The following CSPP1 variants were observed in gnomAD, a reference collection of about 807,000 sequenced individuals.
CSPP1 encodes the protein centrosome and spindle pole-associated protein 1.
A neutral mutation model predicts 164.4 loss-of-function variants in CSPP1; 126 were observed. The observed-to-expected ratio is 0.77, with a 90% CI of 0.66 to 0.89. CSPP1 has a LOEUF of 0.89. Among genes scored for constraint, CSPP1 ranks in the 40% least tolerant of loss-of-function variants. The pLI is 0.00. For synonymous variants in CSPP1, 472 were observed against 476.7 expected (o/e 0.99, Z 0.13); for missense variants, 1,395 against 1,449.8 (o/e 0.96, Z 0.61).
At chr8:67,128,133 A>C (rs1170558034) in intron 15 of CSPP1, among the ~76,000 whole-genome samples, 1 of 152,242 alleles carries the variant, frequency 6.6e-6, no homozygotes, top group Non-Finnish European at 1.5e-5. Context: ...AACAAAAGGT[A>C]CCACTTACTA....
intron 17 of CSPP1, among the ~76,000 whole-genome samples, chr8:67,145,164 T>C (rs928180736): frequency 6.6e-6 from 1 of 152,118 alleles, no homozygotes; most frequent in African/African-American, 2.4e-5. Flanking sequence ...TAAAGAGACA[T>C]TCAGTTTATT....
chr8:67,133,373 C>A (rs1191660995), intron 16 of CSPP1, among the ~76,000 whole-genome samples: 2 of 152,094 alleles, frequency 1.3e-5, no homozygotes, highest in African/African-American at 4.8e-5. Flanking sequence ...AGTTCCAGAC[C>A]ACAGCAATAA....
chr8:67,141,807 A>G (rs1201893792), intron 17 of CSPP1, among the ~76,000 whole-genome samples: 1 of 152,216 alleles, frequency 6.6e-6, no homozygotes, highest in East Asian at 1.9e-4. Flanking sequence ...GAGCGACTGC[A>G]CCCAGTGTAG....
intron 6 of CSPP1, among the ~76,000 whole-genome samples, chr8:67,094,269 CTCTT>C (rs1812253458): frequency 7.0e-6 from 1 of 142,296 alleles, no homozygotes; most frequent in South Asian, 2.2e-4. Flanking sequence ...AGTTTATCCT[CTCTT>C]TTTTTTTTTT....
chr8:67,081,687 CTT>C (rs1809220636), intron 3 of CSPP1, among the ~76,000 whole-genome samples: 4 of 152,160 alleles, frequency 2.6e-5, no homozygotes, highest in Admixed American at 2.6e-4. Context: ...TCCCATTAAT[CTT>C]TTAAAAATGT....
At chr8:67,116,559 T>C (rs961694603) in intron 13 of CSPP1, among the ~76,000 whole-genome samples, 1 of 152,202 alleles carries the variant, frequency 6.6e-6, no homozygotes, top group African/African-American at 2.4e-5. Flanking sequence ...TTCAGCTCAT[T>C]CTCTGTGATT....
At chr8:67,165,012 A>G (rs537619922) in intron 24 of CSPP1, among the ~76,000 whole-genome samples, 24 of 152,190 alleles carry the variant, frequency 1.6e-4, no homozygotes, top group Non-Finnish European at 3.2e-4. Context: ...GGCTGGGTGC[A>G]GTTGCTCACG....
chr8:67,171,347 G>T (rs1395935896), intron 24 of CSPP1, among the ~76,000 whole-genome samples: 1 of 151,500 alleles, frequency 6.6e-6, no homozygotes, highest in Non-Finnish European at 1.5e-5. Context: ...GCTGCAGTGA[G>T]CTGAGATCAC....
At chr8:67,124,081 A>G (rs1819580323) in intron 15 of CSPP1, among the ~76,000 whole-genome samples, 1 of 150,228 alleles carries the variant, frequency 6.7e-6, no homozygotes, top group South Asian at 2.1e-4. Flanking sequence ...TTGTATTTTT[A>G]GTAGAGACGG....
At chr8:67,099,982 G>A (rs1813694112) in intron 7 of CSPP1, among the ~76,000 whole-genome samples, 2 of 151,896 alleles carry the variant, frequency 1.3e-5, no homozygotes, top group African/African-American at 4.8e-5. Flanking sequence ...ACTTAAAAAA[G>A]ATAAACAAAT....
intron 23 of CSPP1, 62 bp downstream of exon 23, chr8:67,163,860 A>G: frequency 7.6e-7 from 1 of 1,311,656 alleles, no homozygotes; most frequent in Non-Finnish European, 1.1e-6. Flanking sequence ...TCATTTTGAA[A>G]TAATTATAAA....
intron 15 of CSPP1, among the ~76,000 whole-genome samples, chr8:67,129,977 C>T (rs1232067003): frequency 6.6e-6 from 1 of 152,180 alleles, no homozygotes; most frequent in African/African-American, 2.4e-5. Context: ...ATACAGTTGA[C>T]ACTCGATAAC....
chr8:67,098,203 T>G (rs1475462786), intron 7 of CSPP1, among the ~76,000 whole-genome samples: 1 of 151,668 alleles, frequency 6.6e-6, no homozygotes, highest in East Asian at 1.9e-4. Flanking sequence ...TATGCAATCT[T>G]GATCAGAAGT....
chr8:67,069,118 C>T (rs1361000836), intron 1 of CSPP1: 2 of 152,200 alleles, frequency 1.3e-5, no homozygotes, highest in Non-Finnish European at 2.9e-5. Context: ...CACAGGGTTC[C>T]CCATGGTGTG....
rs200250731 is a variant in CSPP1, at chr8:67,064,448, A to G, written c.-101A>G. On this transcript the variant is annotated 5_prime_UTR_variant, in exon 1 of 31. Transcript: ENST00000678616. Reference sequence around the variant, plus strand: ...GCTGTAACCTCTTCGGTCCGCGACGATCCTCTAGAGCACTGTGTGTCTCCC... The same window carrying G: ...GCTGTAACCTCTTCGGTCCGCGACGGTCCTCTAGAGCACTGTGTGTCTCCC... 46 of 1,613,926 alleles carry G rather than the reference A, an allele frequency of 2.9e-5. No homozygotes were observed. In the Admixed American group the frequency reaches 5.5e-4, roughly 19 times the overall value.
In CSPP1 at chr8:67,115,990, C is replaced by T; in HGVS notation, c.1364C>T (p.Ala455Val). The change falls in exon 13 of 31, where the codon GCT becomes GTT. Residue 455 changes from alanine to valine, a missense_variant. Transcript: ENST00000678616. ...EMIPPERPRI[A>V]FQTPLPPLSA... Reference sequence around the variant, plus strand: ...ATACCACCTGAAAGACCCAGAATAGCTTTCCAGACACCTCTCCCTCCTTTA... The same window carrying T: ...ATACCACCTGAAAGACCCAGAATAGTTTTCCAGACACCTCTCCCTCCTTTA... 6.2e-7 allele frequency: 1 copy of T among 1,613,948 alleles called. No individual in the cohort carries two copies. The highest frequency in any genetic ancestry group is 2.2e-5 in the East Asian group (1 of 44,858).
In CSPP1 at chr8:67,159,098, C is replaced by T. The variant is rs202172856; in HGVS notation, c.2499C>T (p.His833=). Residue 833 remains histidine (H), a synonymous_variant, in exon 21 of 31, where the codon CAC becomes CAT. Transcript: ENST00000678616. The part of the protein sequence containing the change: ...EEEKYNLQLQ[H]YCERDNLIGE... Reference sequence around the variant, plus strand: ...AAAAATATAACCTGCAACTTCAGCACTACTGTGAAAGAGACAATTTGATTG... The same window carrying T: ...AAAAATATAACCTGCAACTTCAGCATTACTGTGAAAGAGACAATTTGATTG... The T allele has an allele frequency of 4.4e-6, 7 of 1,608,692 alleles. No homozygotes were observed. Among genetic ancestry groups the T allele is most frequent in the East Asian group, 2.2e-5 (1 of 44,796 alleles).
intron 24 of CSPP1, among the ~76,000 whole-genome samples, chr8:67,167,436 G>A (rs530938901): frequency 4.5e-4 from 69 of 151,666 alleles, no homozygotes; most frequent in African/African-American, 1.3e-3. Flanking sequence ...CTGGCCGGGC[G>A]GGGGCTGCCC....
intron 7 of CSPP1, chr8:67,099,225 T>C (rs1212042070): frequency 6.6e-6 from 1 of 152,114 alleles, no homozygotes; most frequent in Non-Finnish European, 1.5e-5. Flanking sequence ...GTTCTGTCCC[T>C]TTGTGACAAA....
Sources: allele counts gnomAD v4.1 joint callset (sites outside exome capture counted in the v4.1 genomes callset), GRCh38; gene constraint gnomAD v4.1.1; transcripts MANE v1.5; gene names NCBI Gene and HGNC (gene_info 2026-07-23, HGNC 2026-07-21).